TUBB3: variants seen among roughly 807,000 people sequenced by gnomAD.
TUBB3 encodes the protein tubulin beta 3 class III.
Under a neutral mutation model 37.8 loss-of-function variants are expected in TUBB3, and 17 were observed. The observed-to-expected ratio is 0.45, with a 90% CI of 0.31 to 0.67. The LOEUF is 0.67. TUBB3 is among the 30% of genes least tolerant of loss of function. The probability of loss-of-function intolerance (pLI) is 0.07; values close to 1 mark genes in which losing one functional copy is unlikely to be tolerated. For missense variants in TUBB3, 262 were observed against 657.9 expected (o/e 0.40, Z 6.58); for synonymous variants, 332 against 278.9 (o/e 1.19, Z -1.90).
chr16:89,928,570 G>A (rs1345305534), intron 1 of TUBB3, among the ~76,000 whole-genome samples: 1 of 150,344 alleles, frequency 6.7e-6, no homozygotes, highest in Non-Finnish European at 1.5e-5. Context: ...TGTTGCCCAG[G>A]CTGGAGCACG....
At position 89,933,587 on chromosome 16, in the gene TUBB3, C is replaced by A. The variant is rs1187605021; in HGVS notation, c.277+9C>A. On this transcript the variant is annotated intron_variant, in intron 3 of 3. Transcript: ENST00000315491. ...TGACAATTTCATCTTTGGTAAGTTC[C>A]CCCTGCTCCAAGCTCTGATGGCAGA... is the stretch of plus-strand genomic sequence containing the variant. The A allele has an allele frequency of 6.2e-7, 1 of 1,608,770 alleles. No individual in the cohort carries two copies. The highest frequency in any genetic ancestry group is 1.7e-5 in the Admixed American group (1 of 60,010).
upstream of TUBB3, chr16:89,921,994 A>G (rs1317384364): frequency 6.6e-6 from 1 of 152,520 alleles, no homozygotes; most frequent in African/African-American, 2.4e-5. Flanking sequence ...CCTCGTGGAG[A>G]CAGGGAGGCA....
chr16:89,931,089 A>C (rs2030263754), intron 1 of TUBB3, among the ~76,000 whole-genome samples: 1 of 152,014 alleles, frequency 6.6e-6, no homozygotes, highest in Admixed American at 6.6e-5. Flanking sequence ...GGCCTCCCAA[A>C]GTGTTGGGAT....
chr16:89,934,620 A>G, intron 3 of TUBB3, 109 bp from the exon 4 acceptor site: 1 of 1,107,360 alleles, frequency 9.0e-7, no homozygotes, highest in African/African-American at 1.5e-5. Context: ...CAGAAGACAG[A>G]ACAGGCATGG....
At chr16:89,931,355 G>A (rs569815509) in intron 1 of TUBB3, among the ~76,000 whole-genome samples, 3 of 152,326 alleles carry the variant, frequency 2.0e-5, no homozygotes, top group East Asian at 1.9e-4. Flanking sequence ...CTTCATACCC[G>A]TCAGCTCATC....
At position 89,936,048 on chromosome 16, in the gene TUBB3, G is replaced by A. The variant is rs2030447368; in HGVS notation, c.*244G>A. 2 of 597,554 alleles carry A rather than the reference G, an allele frequency of 3.3e-6. No homozygotes were observed. Among genetic ancestry groups the A allele is most frequent in the East Asian group, 2.8e-5 (1 of 35,604 alleles). 37.0% of individuals were successfully genotyped at this position (597,554 alleles called of 1,614,324 possible). The stretch of plus-strand genomic sequence containing the variant: ...ACGGTTTTGTTTTTTACTGGTTTGT[G>A]TTTATATTTTCGGGGATACTTAATA... On this transcript the variant is annotated 3_prime_UTR_variant, in exon 4 of 4. Coordinates refer to ENST00000315491, the MANE Select transcript of TUBB3 (RefSeq NM_006086.4).
chr16:89,928,920 C>T (rs1302713880), intron 1 of TUBB3, among the ~76,000 whole-genome samples: 1 of 151,624 alleles, frequency 6.6e-6, no homozygotes, highest in Non-Finnish European at 1.5e-5. Flanking sequence ...CCTTGGCCTC[C>T]CAAAGTGCTG....
At chr16:89,931,185 T>C (rs1304919254) in intron 1 of TUBB3, among the ~76,000 whole-genome samples, 3 of 152,170 alleles carry the variant, frequency 2.0e-5, no homozygotes, top group Non-Finnish European at 4.4e-5. Context: ...CATCTTTGTC[T>C]ACACTCCTGG....
At chr16:89,930,264 C>T (rs1273745066) in intron 1 of TUBB3, among the ~76,000 whole-genome samples, 1 of 151,460 alleles carries the variant, frequency 6.6e-6, no homozygotes, top group Non-Finnish European at 1.5e-5. Context: ...GCCACCATGC[C>T]TGGCTAATTT....
At chr16:89,926,204 G>A (rs1040379856) in intron 1 of TUBB3, among the ~76,000 whole-genome samples, 2 of 152,150 alleles carry the variant, frequency 1.3e-5, no homozygotes, top group East Asian at 1.9e-4. Flanking sequence ...CAGCGGCGGA[G>A]GGGGGAGCCT....
intron 1 of TUBB3, among the ~76,000 whole-genome samples, chr16:89,923,682 C>A (rs546694918): frequency 5.3e-5 from 8 of 152,298 alleles, no homozygotes; most frequent in African/African-American, 1.7e-4. Flanking sequence ...AGGCGCAGCT[C>A]ACGTCAGTCG....
upstream of TUBB3, among the ~76,000 whole-genome samples, chr16:89,922,875 A>C (rs2029929843): frequency 6.6e-6 from 1 of 152,218 alleles, no homozygotes; most frequent in African/African-American, 2.4e-5. Context: ...TCCCCCACCC[A>C]AAACCGGCAA....
intron 3 of TUBB3, chr16:89,934,298 G>A (rs929736329): frequency 2.1e-6 from 1 of 472,726 alleles, no homozygotes; most frequent in Non-Finnish European, 4.2e-6. Context: ...AAACAGGAGG[G>A]CCTCGCTTCA....
rs564550459 is a variant in TUBB3 at position 89,929,890 on chromosome 16, A to G, written c.58-2681A>G. ...TAATTTTTGTATTTTTAGTAGAGAC[A>G]GGGTTTTGCCATGTTGGCCAGGCTG... On this transcript the variant is annotated intron_variant, in intron 1 of 3. Coordinates refer to ENST00000315491, the MANE Select transcript of TUBB3 (RefSeq NM_006086.4). Among the ~76,000 whole-genome samples, 573 of 150,160 alleles carry G rather than the reference A, an allele frequency of 3.8e-3. 2 individuals carry two copies. Among genetic ancestry groups the G allele is most frequent in the Non-Finnish European group, 6.3e-3 (428 of 67,420 alleles).
chr16:89,935,927 G>T lies in TUBB3; in HGVS notation c.*123G>T, dbSNP rs558185923. 1.6e-6 allele frequency: 2 copies of T among 1,280,748 alleles called. No individual in the cohort carries two copies. The highest frequency in any genetic ancestry group is 2.1e-6 in the Non-Finnish European group (2 of 933,268). 79.3% of individuals were successfully genotyped at this position (1,280,748 alleles called of 1,614,324 possible). ...CCCCTCGCCCTAGGGCTCCCTTGCC[G>T]CCCTCCTGCAGTATTTATGGCCTCG... On this transcript the variant is annotated 3_prime_UTR_variant, in exon 4 of 4. Coordinates refer to ENST00000315491, the MANE Select transcript of TUBB3 (RefSeq NM_006086.4).
rs748332218 is a variant in TUBB3, at chr16:89,923,372, G to A, written c.-30G>A. ...CAGCCAGCCCGGCCCGCCCGCGCCC[G>A]TCCGCAGCCGCCCGCCAGACGCGCC... On this transcript the variant is annotated 5_prime_UTR_variant, in exon 1 of 4. Coordinates refer to ENST00000315491, the MANE Select transcript of TUBB3 (RefSeq NM_006086.4). The A allele has an allele frequency of 2.8e-6, 4 of 1,451,688 alleles. No homozygotes were observed. Among genetic ancestry groups the A allele is most frequent in the South Asian group, 1.3e-5 (1 of 76,026 alleles). The allele number at this position is 1,451,688 out of a possible 1,614,324, so 89.9% of individuals were successfully genotyped here. A position where few individuals can be genotyped will look rare whatever the true frequency, so the allele number is the denominator to read the frequency against.
intron 1 of TUBB3, among the ~76,000 whole-genome samples, chr16:89,927,435 T>G (rs28508073): frequency 1.3e-5 from 2 of 152,098 alleles, no homozygotes; most frequent in Non-Finnish European, 2.9e-5. Context: ...AATTATAATT[T>G]TATTAATTTT....
chr16:89,925,905 G>A (rs2030059184), intron 1 of TUBB3, among the ~76,000 whole-genome samples: 1 of 152,358 alleles, frequency 6.6e-6, no homozygotes, highest in East Asian at 1.9e-4. Context: ...CGGCAGCGCG[G>A]ACGACTCACC....
intron 1 of TUBB3, among the ~76,000 whole-genome samples, chr16:89,928,785 A>C (rs1261861363): frequency 2.6e-5 from 4 of 151,902 alleles, no homozygotes; most frequent in Non-Finnish European, 5.9e-5. Context: ...CGGCCTCCCA[A>C]AGTGCTAGGA....
Sources: gnomAD v4.1 joint callset for allele counts (sites outside exome capture counted in the v4.1 genomes callset) on GRCh38, gnomAD v4.1.1 for gene constraint, MANE v1.5 for transcripts, NCBI Gene and HGNC (gene_info 2026-07-23, HGNC 2026-07-21) for gene names.